DNAAF9: variants seen among roughly 807,000 people sequenced by gnomAD.
DNAAF9 encodes the protein shulin.
Under a neutral mutation model 167.0 loss-of-function variants are expected in DNAAF9, and 90 were observed. The observed-to-expected ratio is 0.54, with a 90% CI of 0.45 to 0.64. DNAAF9 has a LOEUF of 0.64. DNAAF9 is among the 30% of genes least tolerant of loss of function. DNAAF9 has a pLI of 0.00. For missense variants in DNAAF9, 1,315 were observed against 1,442.2 expected (o/e 0.91, Z 1.43); for synonymous variants, 491 against 508.8 (o/e 0.96, Z 0.47).
At position 3,382,613 on chromosome 20, in the gene DNAAF9, TG is replaced by T; in HGVS notation, c.84-108del. Reference sequence around the variant, plus strand: ...TCATGAGGAAGAGGAATGACTTTGCTGGGGATGGAAATTGATTCTTGTCTGG... The same window carrying T: ...TCATGAGGAAGAGGAATGACTTTGCTGGGATGGAAATTGATTCTTGTCTGG... On this transcript the variant is annotated intron_variant, in intron 1 of 36. Transcript: ENST00000252032. 6.0e-6 allele frequency: 5 copies of T among 830,400 alleles called. No homozygotes were observed. In the East Asian group the frequency reaches 1.3e-4, roughly 21 times the overall value. The allele number at this position is 830,400 out of a possible 1,614,324, so 51.4% of individuals were successfully genotyped here. A position where few individuals can be genotyped will look rare whatever the true frequency, so the allele number is the denominator to read the frequency against.
At position 3,395,293 on chromosome 20, in the gene DNAAF9, TTTTTTCTG is replaced by T. The variant is rs200969213; in HGVS notation, c.83+12174_83+12181del. Among the ~76,000 whole-genome samples, 55 of 151,284 alleles carry T rather than the reference TTTTTTCTG, an allele frequency of 3.6e-4. 1 individual carries two copies. In the East Asian group the frequency reaches 0.01, roughly 28 times the overall value. ...GCCGAACATTTTCTTTTTTCTTTTT[TTTTTTCTG>T]AGACAGCCTTGATCTGTTGCCCAGG... is the stretch of plus-strand genomic sequence containing the variant. On this transcript the variant is annotated intron_variant, in intron 1 of 36. Coordinates refer to ENST00000252032, the MANE Select transcript of DNAAF9 (RefSeq NM_001009984.3).
At chr20:3,370,614 T>C (rs2083494042) in intron 6 of DNAAF9, among the ~76,000 whole-genome samples, 1 of 152,128 alleles carries the variant, frequency 6.6e-6, no homozygotes, top group Non-Finnish European at 1.5e-5. Flanking sequence ...TTCACCATGT[T>C]GGCCAGGACG....
intron 7 of DNAAF9, among the ~76,000 whole-genome samples, chr20:3,355,306 G>A (rs1022184895): frequency 7.9e-5 from 12 of 152,166 alleles, no homozygotes; most frequent in African/African-American, 2.9e-4. Context: ...TGGGTTTGGT[G>A]GCTAATGCCT....
At chr20:3,309,001 A>G (rs908556501) in intron 20 of DNAAF9, among the ~76,000 whole-genome samples, 1 of 152,072 alleles carries the variant, frequency 6.6e-6, no homozygotes, top group African/African-American at 2.4e-5. Flanking sequence ...TCCAGATAAC[A>G]TCACTTTTGG....
chr20:3,336,882 C>CTT lies in DNAAF9; in HGVS notation c.981+3620_981+3621dup, dbSNP rs34461289. ...AAATCTCAATTTGGTTTTCCTTTTTCTTTTTTTTTTTTTTTTGAGATGGAG... is the reference window on the plus strand; with the variant it reads ...AAATCTCAATTTGGTTTTCCTTTTTCTTTTTTTTTTTTTTTTTTGAGATGGAG... On this transcript the variant is annotated intron_variant, in intron 10 of 36. Transcript: ENST00000252032. 8.1e-4 allele frequency among the ~76,000 whole-genome samples: 108 copies of CTT among 133,908 alleles called. 2 individuals are homozygous for CTT. Among genetic ancestry groups the CTT allele is most frequent in the Admixed American group, 1.2e-3 (16 of 12,928 alleles). The allele number at this position is 133,908 out of a possible 152,430, so 87.8% of individuals were successfully genotyped here. A position where few individuals can be genotyped will look rare whatever the true frequency, so the allele number is the denominator to read the frequency against.
At chr20:3,270,087 G>A (rs1446426579) in intron 30 of DNAAF9, among the ~76,000 whole-genome samples, 1 of 148,980 alleles carries the variant, frequency 6.7e-6, no homozygotes, top group Non-Finnish European at 1.5e-5. Context: ...TCCCACCTCA[G>A]CCACCCAAAA....
At chr20:3,365,373 TTTTATTTA>T (rs145072503) in intron 6 of DNAAF9, among the ~76,000 whole-genome samples, 87,383 of 149,548 alleles carry the variant, frequency 0.58, 25,689 homozygotes, top group South Asian at 0.67. Context: ...TTTGATAACA[TTTTATTTA>T]TTTATTTATT....
At chr20:3,311,995 C>CTTTTTTTTCTT (rs57406789) in intron 20 of DNAAF9, among the ~76,000 whole-genome samples, 44 of 145,144 alleles carry the variant, frequency 3.0e-4, no homozygotes, top group Middle Eastern at 3.6e-3. Flanking sequence ...TCTTTTTTTT[C>CTTTTTTTTCTT]TTTTTTTTTT....
chr20:3,306,961 C>T (rs553904864), intron 20 of DNAAF9: 1 of 985,290 alleles, frequency 1.0e-6, no homozygotes, highest in Admixed American at 6.1e-5. Flanking sequence ...AGTACCTGCA[C>T]CCTTCCCTGT....
intron 29 of DNAAF9, 125 bp from the exon 30 acceptor site, chr20:3,270,687 C>T: frequency 1.2e-5 from 9 of 720,618 alleles, no homozygotes; most frequent in Admixed American, 5.5e-5. Context: ...TGGAGACAAC[C>T]CTTACACCCC....
chr20:3,359,531 C>G lies in DNAAF9; in HGVS notation c.675G>C (p.Glu225Asp). Residue 225 changes from glutamate (E) to aspartate (D), a missense_variant, in exon 7 of 37, where the codon GAG (glutamate) becomes GAC (aspartate). By Grantham distance (45) the Glu-to-Asp change is conservative. This residue lies in a region of DNAAF9 where 981 missense variants were observed against 1,012.5 expected (regional missense o/e 0.97). Transcript: ENST00000252032. ...GGCTCCTTACATCTGAAAGCAAACT[C>G]TCCAGAGACATAGGATCCATCTTGC... ...VYSKMDPMSL[E>D]SLLSDDLVAF... 6.2e-7 allele frequency: 1 copy of G among 1,611,748 alleles called. No homozygotes were observed. The highest frequency in any genetic ancestry group is 1.3e-5 in the African/African-American group (1 of 74,920).
At chr20:3,253,917 T>C (rs1600646331) in intron 35 of DNAAF9, 98 bp from the exon 36 acceptor site, 1 of 717,880 alleles carries the variant, frequency 1.4e-6, no homozygotes, top group South Asian at 1.6e-5. Flanking sequence ...CAAGATAGAC[T>C]ACTCTGCTAT....
intron 29 of DNAAF9, among the ~76,000 whole-genome samples, chr20:3,273,069 G>A (rs183457046): frequency 9.6e-4 from 146 of 152,264 alleles, no homozygotes; most frequent in African/African-American, 3.4e-3. Flanking sequence ...GACCTCAGGT[G>A]ATCCACCCGC....
chr20:3,316,764 C>G lies in DNAAF9; in HGVS notation c.1498G>C (p.Val500Leu), dbSNP rs150641546. The G allele has an allele frequency of 1.3e-5, 21 of 1,613,726 alleles. 1 individual carries two copies. Among genetic ancestry groups the G allele is most frequent in the Admixed American group, 1.7e-5 (1 of 60,008 alleles). The stretch of plus-strand genomic sequence containing the variant: ...CTGGGTACAGCAGCAGTCAGGACTA[C>G]GGAGCTGGTTTCTGTGGTAACAGTG... ...DGTVTTETSS[V>L]VLTAAVPRFC... The change falls in exon 18 of 37, where the codon GTA becomes CTA. Residue 500 changes from valine (V) to leucine (L), a missense_variant. Coordinates refer to ENST00000252032, the MANE Select transcript of DNAAF9 (RefSeq NM_001009984.3).
intron 6 of DNAAF9, among the ~76,000 whole-genome samples, chr20:3,363,261 A>G (rs1226339685): frequency 6.6e-6 from 1 of 150,570 alleles, no homozygotes; most frequent in Non-Finnish European, 1.5e-5. Context: ...ATTAATGCAA[A>G]GCAAACTTTT....
intron 23 of DNAAF9, chr20:3,295,984 G>C: frequency 6.4e-7 from 1 of 1,566,858 alleles, no homozygotes; most frequent in Non-Finnish European, 8.8e-7. Flanking sequence ...ATTTCACTTT[G>C]GGAGGCACCA....
At position 3,298,050 on chromosome 20, in the gene DNAAF9, T is replaced by A. The variant is rs374169705; in HGVS notation, c.1908A>T (p.Ile636=). The change falls in exon 22 of 37, where the codon ATA becomes ATT. Residue 636 remains isoleucine (I), a synonymous_variant. Coordinates refer to ENST00000252032, the MANE Select transcript of DNAAF9 (RefSeq NM_001009984.3). ...LMIALFPKSK[I]YQAFYSEVFS... ...TTACCTCTGAGTAAAATGCTTGGTA[T>A]ATCTTCGATTTGGGGAAAAGGGCAA... 6 of 1,613,202 alleles carry A rather than the reference T, an allele frequency of 3.7e-6. No homozygotes were observed. The highest frequency in any genetic ancestry group is 1.6e-4 in the Middle Eastern group (1 of 6,084).
chr20:3,383,627 G>A (rs2083693701), intron 1 of DNAAF9, among the ~76,000 whole-genome samples: 1 of 151,232 alleles, frequency 6.6e-6, no homozygotes, highest in Non-Finnish European at 1.5e-5. Flanking sequence ...TATTAACTAA[G>A]AGCCTCTACA....
At chr20:3,397,461 C>G (rs1367873925) in intron 1 of DNAAF9, among the ~76,000 whole-genome samples, 1 of 151,802 alleles carries the variant, frequency 6.6e-6, no homozygotes, top group Non-Finnish European at 1.5e-5. Flanking sequence ...TGGGATTACA[C>G]GCACCTGCCA....
Sources: allele counts gnomAD v4.1 joint callset (sites outside exome capture counted in the v4.1 genomes callset), GRCh38; gene constraint gnomAD v4.1.1; regional missense constraint gnomAD v4.1.1; transcripts MANE v1.5; gene names NCBI Gene and HGNC (gene_info 2026-07-23, HGNC 2026-07-21).